Variants in IFT140 observed in about 807,000 individuals in gnomAD.
IFT140 encodes the protein intraflagellar transport protein 140 homolog.
Under a neutral mutation model 164.6 loss-of-function variants are expected in IFT140, and 133 were observed. The observed-to-expected ratio is 0.81, with a 90% CI of 0.70 to 0.93. The LOEUF is 0.93. Among genes scored for constraint, IFT140 ranks in the 40% least tolerant of loss-of-function variants. IFT140 has a pLI of 0.00. For missense variants in IFT140, 2,045 were observed against 1,972.3 expected, an observed-to-expected ratio of 1.04 and a Z score of -0.70; for synonymous variants, 860 against 817.3, an observed-to-expected ratio of 1.05 and a Z score of -0.89.
chr16:1,548,779 T>C (rs117014805), intron 19 of IFT140, among the ~76,000 whole-genome samples: 1,731 of 152,326 alleles, frequency 0.011, 21 homozygotes, highest in Middle Eastern at 0.031. Context: ...CACAGCGCAG[T>C]GCGATCATGC....
At chr16:1,556,849 A>T (rs2033118854) in intron 19 of IFT140, among the ~76,000 whole-genome samples, 1 of 152,156 alleles carries the variant, frequency 6.6e-6, no homozygotes, top group South Asian at 2.1e-4. Flanking sequence ...TCACTCTGTC[A>T]CCCAGGCTGG....
At position 1,552,423 on chromosome 16, in the gene IFT140, C is replaced by T. The variant is rs193034152; in HGVS notation, c.2399+5512G>A. Among the ~76,000 whole-genome samples, 3 of 152,264 alleles carry T rather than the reference C, an allele frequency of 2.0e-5. No homozygotes were observed. In the East Asian group the frequency reaches 5.8e-4, roughly 29 times the overall value. Reference sequence around the variant, plus strand: ...CCTCCAGGACCACCTCCTCTGAGCCCTGACACCAGCACAACCCACACCCCA... The same window carrying T: ...CCTCCAGGACCACCTCCTCTGAGCCTTGACACCAGCACAACCCACACCCCA... On this transcript the variant is annotated intron_variant, in intron 19 of 30. Coordinates refer to ENST00000426508, the MANE Select transcript of IFT140 (RefSeq NM_014714.4).
intron 19 of IFT140, among the ~76,000 whole-genome samples, chr16:1,552,709 C>T (rs552976821): frequency 1.4e-5 from 2 of 141,124 alleles, no homozygotes; most frequent in East Asian, 2.1e-4. Context: ...AGTGCAGTGG[C>T]GTGATCTCGG....
intron 4 of IFT140, 68 bp from the exon 5 acceptor site, chr16:1,592,656 TCCTGGC>T: frequency 6.5e-7 from 1 of 1,529,844 alleles, no homozygotes; most frequent in Non-Finnish European, 8.8e-7. Context: ...GGGACAGGTG[TCCTGGC>T]AGAGCGACTG....
rs112598388 is a variant in IFT140 at position 1,567,688 on chromosome 16, G to A, written c.1770+529C>T. Among the ~76,000 whole-genome samples, 901 of 152,270 alleles carry A rather than the reference G, an allele frequency of 5.9e-3. 7 individuals are homozygous for A. The highest frequency in any genetic ancestry group is 0.021 in the African/African-American group (861 of 41,550). On this transcript the variant is annotated intron_variant, in intron 15 of 30. Transcript: ENST00000426508. ...AACAAGCGAATGAACAAGGGAACCC[G>A]CACCAGCGGAAGGGAAGGAACCAGG... is the stretch of plus-strand genomic sequence containing the variant.
chr16:1,593,910 C>T (rs959308616), intron 4 of IFT140, among the ~76,000 whole-genome samples: 2 of 152,190 alleles, frequency 1.3e-5, no homozygotes, highest in Non-Finnish European at 2.9e-5. Context: ...GTGGGAGATA[C>T]ACCCTACCCT....
At chr16:1,516,958 C>T (rs2040371829) in intron 30 of IFT140, among the ~76,000 whole-genome samples, 2 of 151,802 alleles carry the variant, frequency 1.3e-5, no homozygotes, top group African/African-American at 4.8e-5. Context: ...AATGGCAAAT[C>T]CCTAAAATGA....
chr16:1,568,473 A>G (rs748097692), intron 14 of IFT140, 139 bp from the exon 15 acceptor site: 33 of 677,858 alleles, frequency 4.9e-5, no homozygotes, highest in Middle Eastern at 2.5e-4. Flanking sequence ...CGTGTGCACC[A>G]TGAGGTGGGG....
chr16:1,558,002 G>A lies in IFT140; in HGVS notation c.2332C>T (p.His778Tyr). ...CDKATRDAML[H>Y]FSFFVTIGDM... ...CCTATGGTGACAAAGAAGCTGAAGT[G>A]GAGCATGGCGTCCCGGGTGGCCTTG... The change falls in exon 19 of 31, where the codon CAC becomes TAC. Residue 778 changes from histidine (H) to tyrosine (Y), a missense_variant. Transcript: ENST00000426508. 1 of 1,613,988 alleles carries A rather than the reference G, an allele frequency of 6.2e-7. No homozygotes were observed. Among genetic ancestry groups the A allele is most frequent in the Non-Finnish European group, 8.5e-7 (1 of 1,180,046 alleles).
At chr16:1,514,173 C>A (rs927403457) in intron 30 of IFT140, 6 of 151,474 alleles carry the variant, frequency 4.0e-5, no homozygotes, top group African/African-American at 1.2e-4. Context: ...TCGAGACCAT[C>A]CTGGCTAACA....
At position 1,580,745 on chromosome 16, in the gene IFT140, G is replaced by C. The variant is rs369481491; in HGVS notation, c.1524+14C>G. On this transcript the variant is annotated intron_variant, in intron 13 of 30. Transcript: ENST00000426508. ...ACTCTGCTCTGGTTTTCTTGCAGTG[G>C]AGCAGCAACTTACCTGCCAGGTTCG... 651 of 1,589,066 alleles carry C rather than the reference G, an allele frequency of 4.1e-4. 5 individuals carry two copies. In the African/African-American group the frequency reaches 7.7e-3, roughly 19 times the overall value.
chr16:1,567,310 G>C (rs1349025113), intron 15 of IFT140, among the ~76,000 whole-genome samples: 1 of 152,200 alleles, frequency 6.6e-6, no homozygotes, highest in African/African-American at 2.4e-5. Context: ...GCCCTGAGGT[G>C]AAAGTCCCAC....
rs1396942602 is a variant in IFT140 at position 1,520,656 on chromosome 16, C to T, written c.3606G>A (p.Gln1202=). 1 of 1,604,486 alleles carries T rather than the reference C, an allele frequency of 6.2e-7. No individual in the cohort carries two copies. The highest frequency in any genetic ancestry group is 1.1e-5 in the South Asian group (1 of 89,584). ...LEQIADCCMR[Q]GSYHLATKKY... ...TCTTGGTGGCCAGGTGGTAGCTGCC[C>T]TGGCGCATGCAGCAGTCTGCTATCT... Residue 1202 remains glutamine (Q), a synonymous_variant, in exon 27 of 31, where the codon CAG becomes CAA. Coordinates refer to ENST00000426508, the MANE Select transcript of IFT140 (RefSeq NM_014714.4).
chr16:1,578,695 T>C (rs1432647050), intron 13 of IFT140, among the ~76,000 whole-genome samples: 2 of 151,786 alleles, frequency 1.3e-5, no homozygotes, highest in African/African-American at 4.8e-5. Context: ...GCCTAGCCAA[T>C]GTGGTGAAAC....
At chr16:1,611,585 C>A (rs903361177) in intron 1 of IFT140, among the ~76,000 whole-genome samples, 5 of 151,810 alleles carry the variant, frequency 3.3e-5, no homozygotes, top group African/African-American at 1.2e-4. Flanking sequence ...GAGGCTGAGA[C>A]GAGCGGATCA....
In IFT140 at chr16:1,523,708, T is replaced by TA. The variant is rs749966613; in HGVS notation, c.3271-9dup. 1.2e-6 allele frequency: 2 copies of TA among 1,612,504 alleles called. No individual in the cohort carries two copies. Among genetic ancestry groups the TA allele is most frequent in the Non-Finnish European group, 1.7e-6 (2 of 1,179,410 alleles). Reference sequence around the variant, plus strand: ...CTTGGAGAAGTGGCCAGCCTGCGGATACGGTGGGCTCTGAGCAGCTGCCCG... The same window carrying TA: ...CTTGGAGAAGTGGCCAGCCTGCGGATAACGGTGGGCTCTGAGCAGCTGCCCG... On this transcript the variant is annotated splice_polypyrimidine_tract_variant and intron_variant, in intron 25 of 30. Transcript: ENST00000426508.
Position 1,564,104 on chromosome 16 carries a change from C to T in IFT140, c.1960G>A (p.Asp654Asn). ...KNYVPVNHFW[D>N]QSEPRLFVCE... ...ACAAACAGCCGGGGCTCACTCTGGT[C>T]CCAGAAGTGGTTCACGGGAACATAA... Residue 654 changes from aspartate (D) to asparagine (N), a missense_variant, in exon 17 of 31, where the codon GAC becomes AAC. Asp to Asn is a conservative substitution (Grantham distance 23, BLOSUM62 1). Transcript: ENST00000426508. The surrounding 1 kb of genome is among the most constrained non-coding windows in gnomAD (Gnocchi z 5.5). 1 of 1,599,914 alleles carries T rather than the reference C, an allele frequency of 6.3e-7. No homozygotes were observed. The highest frequency in any genetic ancestry group is 8.6e-7 in the Non-Finnish European group (1 of 1,169,104).
intron 26 of IFT140, among the ~76,000 whole-genome samples, chr16:1,522,476 G>A (rs576823671): frequency 9.2e-5 from 14 of 152,146 alleles, no homozygotes; most frequent in Non-Finnish European, 1.3e-4. Flanking sequence ...TGGAGGTTGC[G>A]GTGAGCTGAG....
intron 26 of IFT140, 90 bp downstream of exon 26, chr16:1,523,428 G>T: frequency 7.1e-7 from 1 of 1,403,438 alleles, no homozygotes; most frequent in Non-Finnish European, 9.7e-7. Flanking sequence ...TCATAACCAA[G>T]CAAGCAGCCA....
Sources: allele counts gnomAD v4.1 joint callset (sites outside exome capture counted in the v4.1 genomes callset), GRCh38; gene constraint gnomAD v4.1.1; non-coding constraint Gnocchi (gnomAD v3.1); transcripts MANE v1.5; gene names NCBI Gene and HGNC (gene_info 2026-07-23, HGNC 2026-07-21).